Variants in LRCH1 observed in about 807,000 individuals in gnomAD.
LRCH1 encodes the protein leucine-rich repeat and calponin homology domain-containing protein 1.
In LRCH1, 23 loss-of-function variants were observed where a neutral mutation model predicts 94.9. That is an observed-to-expected ratio of 0.24 (90% confidence interval 0.17 to 0.34). The LOEUF (loss-of-function observed/expected upper bound fraction) is 0.34, where lower values mean the gene tolerates loss of function less well. Ranked by LOEUF, LRCH1 falls within the 10% of genes least tolerant of loss-of-function variation. The probability of loss-of-function intolerance (pLI) is 1.00; values close to 1 mark genes in which losing one functional copy is unlikely to be tolerated. For synonymous variants in LRCH1, 364 were observed against 354.9 expected, an observed-to-expected ratio of 1.03 and a Z score of -0.29; for missense variants, 790 against 945.9, an observed-to-expected ratio of 0.84 and a Z score of 2.16.
chr13:46,589,436 A>G (rs2050473699), intron 1 of LRCH1, among the ~76,000 whole-genome samples: 1 of 152,092 alleles, frequency 6.6e-6, no homozygotes, highest in African/African-American at 2.4e-5. Flanking sequence ...TATATCTGGT[A>G]TCCAGTCCAT....
At position 46,743,431 on chromosome 13, in the gene LRCH1, G is replaced by T. The variant is rs529454144; in HGVS notation, c.*1583G>T. ...TTGGTGAAATGCAGGGTATGTGGAA[G>T]TTATCTAATTAACCTCAGTTGTATA... On this transcript the variant is annotated 3_prime_UTR_variant, in exon 20 of 20. Transcript: ENST00000389797. 4 of 985,816 alleles carry T rather than the reference G, an allele frequency of 4.1e-6. No homozygotes were observed. In the African/African-American group the frequency reaches 5.2e-5, roughly 13 times the overall value. 61.1% of individuals were successfully genotyped at this position (985,816 alleles called of 1,614,324 possible). A position where few individuals can be genotyped will look rare whatever the true frequency, so the allele number is the denominator to read the frequency against.
chr13:46,657,504 T>TC (rs1566204608), intron 2 of LRCH1, among the ~76,000 whole-genome samples: 1 of 23,496 alleles, frequency 4.3e-5, no homozygotes, highest in Admixed American at 4.3e-4. Flanking sequence ...TCTTTTCTTT[T>TC]TTTTTTTTTT....
At chr13:46,716,358 C>A (rs1445062359) in intron 16 of LRCH1, among the ~76,000 whole-genome samples, 1 of 152,120 alleles carries the variant, frequency 6.6e-6, no homozygotes, top group African/African-American at 2.4e-5. Flanking sequence ...TACAATAAAA[C>A]ATAATTATTT....
chr13:46,578,730 G>A (rs914264606), intron 1 of LRCH1, among the ~76,000 whole-genome samples: 60 of 152,256 alleles, frequency 3.9e-4, no homozygotes, highest in African/African-American at 1.3e-3. Flanking sequence ...TTGCTAGCTT[G>A]GATTTGAATT....
intron 1 of LRCH1, among the ~76,000 whole-genome samples, chr13:46,626,384 C>T (rs1415424780): frequency 6.6e-6 from 1 of 152,158 alleles, no homozygotes; most frequent in East Asian, 1.9e-4. Flanking sequence ...GTAAAAATAG[C>T]CTTAACTGAT....
At chr13:46,723,419 C>A in intron 17 of LRCH1, 89 bp downstream of exon 17, 1 of 1,002,888 alleles carries the variant, frequency 1.0e-6, no homozygotes, top group Non-Finnish European at 1.5e-6. Flanking sequence ...GCAAGCAGTC[C>A]TAATTTCAAA....
intron 2 of LRCH1, among the ~76,000 whole-genome samples, chr13:46,661,793 T>TTTTATGA (rs1251071680): frequency 6.6e-6 from 1 of 152,196 alleles, no homozygotes; most frequent in Non-Finnish European, 1.5e-5. Flanking sequence ...GCATCTTAAT[T>TTTTATGA]TTTATTATGA....
intron 3 of LRCH1, among the ~76,000 whole-genome samples, chr13:46,670,294 T>C (rs2051580636): frequency 6.6e-6 from 1 of 152,206 alleles, no homozygotes; most frequent in South Asian, 2.1e-4. Context: ...CAGGGGTCCA[T>C]CAGATCACTT....
downstream of LRCH1, among the ~76,000 whole-genome samples, chr13:46,745,635 T>G (rs1873880034): frequency 6.6e-6 from 1 of 152,118 alleles, no homozygotes; most frequent in Non-Finnish European, 1.5e-5. Flanking sequence ...TGTTGAATGG[T>G]CTCCATTTCA....
intron 1 of LRCH1, among the ~76,000 whole-genome samples, chr13:46,638,381 G>A (rs893753946): frequency 5.9e-5 from 9 of 152,172 alleles, no homozygotes; most frequent in East Asian, 1.9e-4. Flanking sequence ...AAACTGGCAC[G>A]GAACCTTTGA....
chr13:46,668,904 G>A, intron 2 of LRCH1, 126 bp from the exon 3 acceptor site: 2 of 864,574 alleles, frequency 2.3e-6, no homozygotes, highest in Non-Finnish European at 3.5e-6. Flanking sequence ...AAATATATTG[G>A]ACTTCTTGTA....
rs569174643 is a variant in LRCH1 at position 46,568,925 on chromosome 13, A to G, written c.307+15222A>G. On this transcript the variant is annotated intron_variant, in intron 1 of 19. Coordinates refer to ENST00000389797, the MANE Select transcript of LRCH1 (RefSeq NM_001164211.2). ...CAACTTAAAAAGGAGAACATTTCCA[A>G]TACCTTTTTAGCTTTCTGCCTGGTG... Among the ~76,000 whole-genome samples the G allele has an allele frequency of 4.1e-4, 63 of 152,210 alleles. 1 individual carries two copies. The highest frequency in any genetic ancestry group is 8.3e-4 in the South Asian group (4 of 4,834).
chr13:46,664,396 C>T (rs886873543), intron 2 of LRCH1, among the ~76,000 whole-genome samples: 3 of 152,150 alleles, frequency 2.0e-5, no homozygotes, highest in African/African-American at 4.8e-5. Flanking sequence ...TAACACATTA[C>T]CCTTTCTATG....
chr13:46,647,527 G>T (rs1007631229), intron 1 of LRCH1, among the ~76,000 whole-genome samples: 17 of 152,034 alleles, frequency 1.1e-4, no homozygotes, highest in African/African-American at 4.1e-4. Context: ...TGCCTATTAG[G>T]TTTAGGAATT....
At chr13:46,701,284 T>A in intron 11 of LRCH1, 77 bp downstream of exon 11, 1 of 1,058,554 alleles carries the variant, frequency 9.4e-7, no homozygotes, top group Non-Finnish European at 1.4e-6. Flanking sequence ...TCTAAATTCC[T>A]AAAATACCTA....
At chr13:46,555,400 C>A (rs964873170) in intron 1 of LRCH1, among the ~76,000 whole-genome samples, 1 of 152,184 alleles carries the variant, frequency 6.6e-6, no homozygotes, top group Non-Finnish European at 1.5e-5. Context: ...TGTTCTACTT[C>A]AGTTATGCTA....
chr13:46,648,868 T>G (rs747191770), intron 1 of LRCH1, among the ~76,000 whole-genome samples: 2 of 152,220 alleles, frequency 1.3e-5, no homozygotes, highest in Non-Finnish European at 2.9e-5. Context: ...TGTTTAAAAA[T>G]TAATACCAAA....
At chr13:46,739,544 G>C (rs537681041) in intron 19 of LRCH1, among the ~76,000 whole-genome samples, 2 of 152,204 alleles carry the variant, frequency 1.3e-5, no homozygotes, top group Non-Finnish European at 2.9e-5. Context: ...AACCTCCCAG[G>C]TCAGAAATTA....
At chr13:46,648,793 A>G (rs1594313844) in intron 1 of LRCH1, among the ~76,000 whole-genome samples, 1 of 152,164 alleles carries the variant, frequency 6.6e-6, no homozygotes, top group East Asian at 1.9e-4. Flanking sequence ...ATCATAAATT[A>G]TATCTCTTCT....
Sources: allele counts gnomAD v4.1 joint callset (sites outside exome capture counted in the v4.1 genomes callset), GRCh38; gene constraint gnomAD v4.1.1; transcripts MANE v1.5; gene names NCBI Gene and HGNC (gene_info 2026-07-23, HGNC 2026-07-21).